Variants in TCF12 observed in about 807,000 individuals in gnomAD.
TCF12 encodes transcription factor 12, also known as DNA-binding protein HTF4.
A neutral mutation model predicts 86.0 loss-of-function variants in TCF12; 45 were observed. That is an observed-to-expected ratio of 0.52 (90% CI 0.41 to 0.67). TCF12 has a LOEUF of 0.67. Ranked by LOEUF, TCF12 falls within the 30% of genes least tolerant of loss-of-function variation. TCF12 has a pLI of 0.00. For synonymous variants in TCF12, 330 were observed against 299.6 expected (o/e 1.10, Z -1.05); for missense variants, 881 against 859.9 (o/e 1.02, Z -0.31).
intron 6 of TCF12, among the ~76,000 whole-genome samples, chr15:57,187,748 G>A (rs764957996): frequency 6.6e-6 from 1 of 151,950 alleles, no homozygotes; most frequent in Non-Finnish European, 1.5e-5. Context: ...TGGCCAACAT[G>A]GTGAAACCCC....
chr15:57,170,716 T>TA (rs2055351975), intron 6 of TCF12, among the ~76,000 whole-genome samples: 1 of 1,994 alleles, frequency 5.0e-4, no homozygotes, highest in Non-Finnish European at 1.1e-3. Context: ...ATATATAATA[T>TA]ATATATTATA....
intron 5 of TCF12, among the ~76,000 whole-genome samples, chr15:57,153,327 T>C (rs2053895361): frequency 6.6e-6 from 1 of 152,140 alleles, no homozygotes; most frequent in African/African-American, 2.4e-5. Context: ...TACTCAACTC[T>C]GCCATTGTAG....
intron 3 of TCF12, among the ~76,000 whole-genome samples, chr15:57,007,780 T>TTCTC (rs774058725): frequency 2.8e-5 from 2 of 70,804 alleles, no homozygotes; most frequent in African/African-American, 9.4e-5. Flanking sequence ...CTTTCTTTCT[T>TTCTC]TCTTTCTTTC....
chr15:57,093,738 A>G (rs1386006123), intron 5 of TCF12, among the ~76,000 whole-genome samples: 1 of 152,208 alleles, frequency 6.6e-6, no homozygotes, highest in Non-Finnish European at 1.5e-5. Flanking sequence ...AATTATTAGA[A>G]TACGTTCAAT....
intron 4 of TCF12, among the ~76,000 whole-genome samples, chr15:57,068,716 G>A (rs2464427): frequency 0.82 from 124,525 of 152,106 alleles, 51,481 homozygotes; most frequent in African/African-American, 0.94. Flanking sequence ...TTGATTTAAG[G>A]TGAAGCTTGA....
intron 5 of TCF12, among the ~76,000 whole-genome samples, chr15:57,149,065 A>G (rs746600313): frequency 1.3e-5 from 2 of 152,226 alleles, no homozygotes; most frequent in Non-Finnish European, 2.9e-5. Flanking sequence ...GTTAGTTAGC[A>G]TATAGTTTGT....
chr15:57,230,278 A>C (rs2151913813), intron 8 of TCF12, among the ~76,000 whole-genome samples: 1 of 152,088 alleles, frequency 6.6e-6, no homozygotes, highest in Middle Eastern at 3.4e-3. Flanking sequence ...TGTTTCATAC[A>C]CTGCTCATAA....
chr15:57,097,259 G>T (rs2049388841), intron 5 of TCF12, among the ~76,000 whole-genome samples: 3 of 152,076 alleles, frequency 2.0e-5, no homozygotes, highest in African/African-American at 7.2e-5. Flanking sequence ...AACTCTTTTG[G>T]CTTAGTGGGG....
chr15:57,052,759 T>C (rs1047720220), intron 3 of TCF12, among the ~76,000 whole-genome samples: 5 of 152,226 alleles, frequency 3.3e-5, no homozygotes, highest in Admixed American at 6.5e-5. Flanking sequence ...TTCTGTGTAT[T>C]CAGCATTGAA....
intron 3 of TCF12, among the ~76,000 whole-genome samples, chr15:56,957,096 T>C (rs12916237): frequency 0.39 from 58,860 of 152,090 alleles, 14,240 homozygotes; most frequent in Non-Finnish European, 0.53. Context: ...TTCTGTGTTA[T>C]GATGCTTCCA....
At position 56,997,088 on chromosome 15, in the gene TCF12, T is replaced by C. The variant is rs78673766; in HGVS notation, c.149-66662T>C. Among the ~76,000 whole-genome samples, 1,245 of 152,250 alleles carry C rather than the reference T, an allele frequency of 8.2e-3. 12 individuals carry two copies. Among genetic ancestry groups the C allele is most frequent in the African/African-American group, 0.029 (1,207 of 41,538 alleles). On this transcript the variant is annotated intron_variant, in intron 3 of 20. Coordinates refer to ENST00000333725, the MANE Select transcript of TCF12 (RefSeq NM_207037.2). The stretch of plus-strand genomic sequence containing the variant: ...GGAGATTTCTCAAAGACCTGGGAGT[T>C]GAACTACCATTTGACCCAGCAATCT...
chr15:56,996,117 G>T (rs184737534), intron 3 of TCF12, among the ~76,000 whole-genome samples: 38 of 152,244 alleles, frequency 2.5e-4, no homozygotes, highest in African/African-American at 8.4e-4. Flanking sequence ...AACCAGCCTT[G>T]CATCCCAGGA....
At chr15:57,165,134 CTGTGTGTGTGTGTG>C (rs10651646) in intron 5 of TCF12, among the ~76,000 whole-genome samples, 2 of 147,128 alleles carry the variant, frequency 1.4e-5, no homozygotes, top group African/African-American at 2.5e-5. Flanking sequence ...GAATGTATGT[CTGTGTGTGTGTGTG>C]TGTGTGTGTG....
At chr15:57,220,740 T>G (rs1234916139) in intron 8 of TCF12, among the ~76,000 whole-genome samples, 1 of 152,098 alleles carries the variant, frequency 6.6e-6, no homozygotes, top group Admixed American at 6.5e-5. Flanking sequence ...ATAGGAGCTA[T>G]CTTTGTAAGA....
chr15:57,184,206 C>T (rs1323409414), intron 6 of TCF12, among the ~76,000 whole-genome samples: 1 of 152,034 alleles, frequency 6.6e-6, no homozygotes, highest in Non-Finnish European at 1.5e-5. Context: ...ACAGACCATA[C>T]GTTTTCTGTT....
At chr15:57,072,638 G>A in intron 4 of TCF12, 1 of 1,292,316 alleles carries the variant, frequency 7.7e-7, no homozygotes, top group Non-Finnish European at 1.0e-6. Context: ...AGTATTTTAT[G>A]CCTCTTGATC....
intron 5 of TCF12, among the ~76,000 whole-genome samples, chr15:57,136,599 CAAAG>C (rs71919854): frequency 0.18 from 27,324 of 152,140 alleles, 2,933 homozygotes; most frequent in Non-Finnish European, 0.24. Flanking sequence ...AACTTACCCT[CAAAG>C]AAACAATAAA....
intron 8 of TCF12, among the ~76,000 whole-genome samples, chr15:57,220,687 T>A (rs191529744): frequency 3.3e-5 from 5 of 152,220 alleles, no homozygotes; most frequent in Admixed American, 3.3e-4. Flanking sequence ...GCCAGAGGAT[T>A]TTATATATTC....
At chr15:56,991,678 A>AAACATTT (rs1567216067) in intron 3 of TCF12, among the ~76,000 whole-genome samples, 1 of 152,210 alleles carries the variant, frequency 6.6e-6, no homozygotes, top group Non-Finnish European at 1.5e-5. Flanking sequence ...TTTCATGGCA[A>AAACATTT]AACATTTAAC....
Sources: allele counts gnomAD v4.1 joint callset (sites outside exome capture counted in the v4.1 genomes callset), GRCh38; gene constraint gnomAD v4.1.1; transcripts MANE v1.5; gene names NCBI Gene and HGNC (gene_info 2026-07-23, HGNC 2026-07-21).